The following ADGB variants were observed in gnomAD, a reference collection of about 807,000 sequenced individuals.
ADGB encodes the protein androglobin.
Under a neutral mutation model 210.5 loss-of-function variants are expected in ADGB, and 172 were observed. The ratio of observed to expected loss-of-function variants is 0.82; its 90% CI spans 0.72 to 0.93. The LOEUF (loss-of-function observed/expected upper bound fraction) is 0.93. Ranked by LOEUF, ADGB falls within the 40% of genes least tolerant of loss-of-function variation. ADGB has a pLI of 0.00. For missense variants in ADGB, 2,025 were observed against 1,964.8 expected (o/e 1.03, Z -0.58); for synonymous variants, 658 against 662.7 (o/e 0.99, Z 0.11).
At chr6:146,805,683 C>A (rs1340887147) in intron 35 of ADGB, among the ~76,000 whole-genome samples, 1 of 152,160 alleles carries the variant, frequency 6.6e-6, no homozygotes, top group East Asian at 1.9e-4. Context: ...CCTCTCTCTT[C>A]CTGGAATATT....
chr6:146,752,076 C>T (rs1298569681), intron 26 of ADGB, among the ~76,000 whole-genome samples: 1 of 152,010 alleles, frequency 6.6e-6, no homozygotes, highest in Non-Finnish European at 1.5e-5. Flanking sequence ...TAAAGAAATA[C>T]CTGAGACTGG....
At position 146,716,909 on chromosome 6, in the gene ADGB, T is replaced by C. The variant is rs554633199; in HGVS notation, c.1768T>C (p.Leu590=). 20 of 1,548,496 alleles carry C rather than the reference T, an allele frequency of 1.3e-5. No homozygotes were observed. The African/African-American group carries it at 2.7e-4, about 21-fold the overall frequency. The change falls in exon 15 of 36, where the codon TTG becomes CTG. Residue 590 remains leucine (L), a synonymous_variant. Transcript: ENST00000397944. ...KGTDEQTDFG[L]GDAHQSDGLN... is the part of the protein sequence containing the mutation. Reference sequence around the variant, plus strand: ...CACAGATGAACAAACAGACTTTGGATTGGGTGATGCTCATCAGAGTGATGG... The same window carrying C: ...CACAGATGAACAAACAGACTTTGGACTGGGTGATGCTCATCAGAGTGATGG...
At chr6:146,664,872 G>T (rs192633897) in intron 6 of ADGB, among the ~76,000 whole-genome samples, 360 of 151,982 alleles carry the variant, frequency 2.4e-3, no homozygotes, top group Middle Eastern at 6.8e-3. Flanking sequence ...TACAAAATTG[G>T]TTTCTGTCTT....
At chr6:146,778,483 T>G (rs1189707567) in intron 29 of ADGB, among the ~76,000 whole-genome samples, 1 of 152,216 alleles carries the variant, frequency 6.6e-6, no homozygotes, top group Non-Finnish European at 1.5e-5. Context: ...TAATATGTGG[T>G]TTTCTATAAA....
At chr6:146,771,600 A>G (rs1361510500) in intron 29 of ADGB, among the ~76,000 whole-genome samples, 1 of 151,956 alleles carries the variant, frequency 6.6e-6, no homozygotes, top group Non-Finnish European at 1.5e-5. Context: ...CTTTTTCTCT[A>G]TCAATTAACA....
chr6:146,809,383 T>A (rs1245195570), intron 35 of ADGB, among the ~76,000 whole-genome samples: 3 of 152,204 alleles, frequency 2.0e-5, no homozygotes, highest in African/African-American at 7.2e-5. Flanking sequence ...TTTTGTATTT[T>A]TAGTAGAGAC....
intron 33 of ADGB, among the ~76,000 whole-genome samples, chr6:146,793,729 GT>G (rs927738413): frequency 2.0e-5 from 3 of 152,336 alleles, no homozygotes; most frequent in South Asian, 4.1e-4. Flanking sequence ...TGGTATAAGA[GT>G]TTGAAAGGTG....
At position 146,788,405 on chromosome 6, in the gene ADGB, T is replaced by G. The variant is rs994213379; in HGVS notation, c.4332T>G (p.Arg1444=). 3 of 1,551,556 alleles carry G rather than the reference T, an allele frequency of 1.9e-6. No homozygotes were observed. The Admixed American group carries it at 5.9e-5, about 30-fold the overall frequency. The part of the protein sequence containing the change: ...KPKEEVETAA[R]GVKEPNSKNS... ...ATGTTGTAGTAGAAACAGCTGCACG[T>G]GGCGTAAAAGAACCAAACTCAAAGA... Residue 1444 remains arginine, a synonymous_variant, in exon 33 of 36, where the codon CGT becomes CGG. Transcript: ENST00000397944.
Position 146,635,518 on chromosome 6 carries a change from C to T in ADGB, c.218C>T (p.Thr73Ile). 6.5e-7 allele frequency: 1 copy of T among 1,539,678 alleles called. No individual in the cohort carries two copies. Among genetic ancestry groups the T allele is most frequent in the Non-Finnish European group, 8.8e-7 (1 of 1,141,694 alleles). Residue 73 changes from threonine (T) to isoleucine (I), a missense_variant, in exon 2 of 36, where the codon ACA (threonine) becomes ATA (isoleucine). Transcript: ENST00000397944. Reference sequence around the variant, plus strand: ...AAAGGTGCAAAAGAAAAGGACAAAACAGGAAAAAGCCCTGTATTTGTAAGT... The same window carrying T: ...AAAGGTGCAAAAGAAAAGGACAAAATAGGAAAAAGCCCTGTATTTGTAAGT... ...AGKGAKEKDK[T>I]GKSPVFHFFE...
chr6:146,691,019 C>A (rs914081018), intron 10 of ADGB, 97 bp from the exon 11 acceptor site: 3 of 952,334 alleles, frequency 3.2e-6, no homozygotes, highest in Non-Finnish European at 4.3e-6. Context: ...TTTCTTACTA[C>A]CACCATATTG....
chr6:146,612,968 A>G lies in ADGB; in HGVS notation c.74+13854A>G, dbSNP rs181392739. Among the ~76,000 whole-genome samples, 651 of 152,318 alleles carry G rather than the reference A, an allele frequency of 4.3e-3. 1 individual carries two copies. Among genetic ancestry groups the G allele is most frequent in the Admixed American group, 6.5e-3 (99 of 15,302 alleles). On this transcript the variant is annotated intron_variant, in intron 1 of 35. Coordinates refer to ENST00000397944, the MANE Select transcript of ADGB (RefSeq NM_024694.4). ...TTTACACTTACTTCCATCCATATCTATGAAGCCATAAAACCAACATTTACT... is the reference window on the plus strand; with the variant it reads ...TTTACACTTACTTCCATCCATATCTGTGAAGCCATAAAACCAACATTTACT...
chr6:146,660,199 A>T (rs1189224527), intron 5 of ADGB, among the ~76,000 whole-genome samples: 1 of 152,162 alleles, frequency 6.6e-6, no homozygotes, highest in Non-Finnish European at 1.5e-5. Flanking sequence ...AAACTCTCTC[A>T]TCCAGTGACA....
At chr6:146,754,980 A>G (rs1006897441) in intron 27 of ADGB, among the ~76,000 whole-genome samples, 1 of 152,038 alleles carries the variant, frequency 6.6e-6, no homozygotes, top group African/African-American at 2.4e-5. Context: ...AAGATCACCT[A>G]TTTTTATTTT....
At chr6:146,695,775 A>G (rs1400108291) in intron 12 of ADGB, among the ~76,000 whole-genome samples, 1 of 151,946 alleles carries the variant, frequency 6.6e-6, no homozygotes, top group Non-Finnish European at 1.5e-5. Context: ...TTTTACTATA[A>G]CAGTATTATA....
At chr6:146,730,567 T>C (rs535512241) in intron 20 of ADGB, among the ~76,000 whole-genome samples, 1 of 152,308 alleles carries the variant, frequency 6.6e-6, no homozygotes, top group South Asian at 2.1e-4. Context: ...TGTAACACCT[T>C]CATATCAGCA....
At chr6:146,629,191 C>T (rs1487787126) in intron 1 of ADGB, among the ~76,000 whole-genome samples, 2 of 152,184 alleles carry the variant, frequency 1.3e-5, no homozygotes, top group Non-Finnish European at 2.9e-5. Context: ...GAATAATGCA[C>T]TTTGAATACT....
At chr6:146,741,032 T>TA (rs1173935163) in intron 24 of ADGB, 86 bp from the exon 25 acceptor site, 2 of 1,121,704 alleles carry the variant, frequency 1.8e-6, no homozygotes, top group Non-Finnish European at 2.4e-6. Flanking sequence ...TTTGGATTTT[T>TA]AAAAAAATTT....
chr6:146,627,053 T>C (rs536984406), intron 1 of ADGB, among the ~76,000 whole-genome samples: 6 of 152,230 alleles, frequency 3.9e-5, no homozygotes, highest in African/African-American at 1.4e-4. Context: ...CTCATTTTAG[T>C]TTTTATTTAA....
At chr6:146,729,085 G>A (rs1776940684) in intron 20 of ADGB, among the ~76,000 whole-genome samples, 1 of 152,162 alleles carries the variant, frequency 6.6e-6, no homozygotes. Context: ...ACTGTTAGGT[G>A]GTTGCTCTCA....
Sources: allele counts gnomAD v4.1 joint callset (sites outside exome capture counted in the v4.1 genomes callset), GRCh38; gene constraint gnomAD v4.1.1; transcripts MANE v1.5; gene names NCBI Gene and HGNC (gene_info 2026-07-23, HGNC 2026-07-21).